Variants in LRMDA observed in about 807,000 individuals in gnomAD.
LRMDA encodes leucine-rich melanocyte differentiation-associated protein.
LRMDA carries 18 observed loss-of-function variants against 29.8 expected under a neutral mutation model. The ratio of observed to expected loss-of-function variants is 0.60; its 90% CI spans 0.42 to 0.90. The LOEUF is 0.90. LRMDA is among the 40% of genes least tolerant of loss of function. The pLI is 0.00. For synonymous variants in LRMDA, 125 were observed against 109.4 expected (o/e 1.14, Z -0.89); for missense variants, 273 against 273.9 (o/e 1.00, Z 0.02).
At chr10:75,641,133 T>C (rs961512420) in intron 2 of LRMDA, among the ~76,000 whole-genome samples, 2 of 152,196 alleles carry the variant, frequency 1.3e-5, no homozygotes, top group Admixed American at 6.5e-5. Context: ...TTTATCTCTC[T>C]GAGTGTGTTA....
At chr10:76,084,024 G>A (rs1564648337) in intron 5 of LRMDA, among the ~76,000 whole-genome samples, 1 of 152,190 alleles carries the variant, frequency 6.6e-6, no homozygotes, top group East Asian at 1.9e-4. Flanking sequence ...AGGGCTTTGG[G>A]CTCCTGAGCA....
intron 2 of LRMDA, among the ~76,000 whole-genome samples, chr10:75,568,957 C>T (rs1840404454): frequency 6.6e-6 from 1 of 152,168 alleles, no homozygotes; most frequent in Non-Finnish European, 1.5e-5. Context: ...ATGTGGGCTT[C>T]TGAGGCAACC....
At chr10:75,587,933 G>A (rs192740861) in intron 2 of LRMDA, among the ~76,000 whole-genome samples, 1 of 152,372 alleles carries the variant, frequency 6.6e-6, no homozygotes, top group African/African-American at 2.4e-5. Flanking sequence ...GAGGCAGTGC[G>A]TGATGGTTGT....
intron 2 of LRMDA, among the ~76,000 whole-genome samples, chr10:75,764,928 C>CGTGTGTGTGTGTGTGT (rs57422251): frequency 2.2e-4 from 31 of 142,772 alleles, no homozygotes; most frequent in African/African-American, 5.0e-4. Flanking sequence ...GCAAGAGACA[C>CGTGTGTGTGTGTGTGT]GTGTGTGTGT....
At position 76,058,831 on chromosome 10, in the gene LRMDA, C is replaced by T. The variant is rs118072840; in HGVS notation, c.516+48C>T. On this transcript the variant is annotated intron_variant, in intron 5 of 6. Transcript: ENST00000611255. ...TTCACAAGGGATTTACATCTCATGGCAGTGCTTACACCCCAGGGCATGCAG... is the reference window on the plus strand; with the variant it reads ...TTCACAAGGGATTTACATCTCATGGTAGTGCTTACACCCCAGGGCATGCAG... The T allele has an allele frequency of 3.0e-3, 4,239 of 1,414,608 alleles. 106 individuals carry two copies. The East Asian group carries it at 0.063, about 21-fold the overall frequency. 87.6% of individuals were successfully genotyped at this position (1,414,608 alleles called of 1,614,324 possible).
At chr10:75,924,636 A>G (rs1017810203) in intron 2 of LRMDA, among the ~76,000 whole-genome samples, 1 of 152,138 alleles carries the variant, frequency 6.6e-6, no homozygotes, top group African/African-American at 2.4e-5. Context: ...AGAGCGGGAA[A>G]GTGGCTTTAA....
intron 5 of LRMDA, among the ~76,000 whole-genome samples, chr10:76,230,191 G>C (rs1430383557): frequency 1.3e-5 from 2 of 152,078 alleles, no homozygotes; most frequent in African/African-American, 4.8e-5. Flanking sequence ...AAAGCAGAGA[G>C]GGAAACTTGT....
chr10:76,198,619 A>G (rs1008408050), intron 5 of LRMDA, among the ~76,000 whole-genome samples: 4 of 152,224 alleles, frequency 2.6e-5, no homozygotes, highest in African/African-American at 9.6e-5. Flanking sequence ...AGGAGAAACA[A>G]TAACAAAGCG....
intron 2 of LRMDA, among the ~76,000 whole-genome samples, chr10:75,988,416 T>C (rs1352068355): frequency 6.6e-6 from 1 of 152,068 alleles, no homozygotes; most frequent in Non-Finnish European, 1.5e-5. Flanking sequence ...ACATTCAGCA[T>C]GGGGCTCACC....
At chr10:75,661,026 A>G (rs1841745472) in intron 2 of LRMDA, among the ~76,000 whole-genome samples, 1 of 152,150 alleles carries the variant, frequency 6.6e-6, no homozygotes, top group African/African-American at 2.4e-5. Context: ...AGAGAAGGCT[A>G]CCCAGATTCT....
intron 2 of LRMDA, among the ~76,000 whole-genome samples, chr10:75,694,237 T>G (rs891499810): frequency 1.3e-5 from 2 of 152,200 alleles, no homozygotes; most frequent in African/African-American, 4.8e-5. Context: ...TTTTGTAGCA[T>G]TAAAGGATTT....
chr10:76,324,279 A>C, intron 5 of LRMDA, 122 bp from the exon 6 acceptor site: 1 of 862,802 alleles, frequency 1.2e-6, no homozygotes, highest in Non-Finnish European at 1.9e-6. Flanking sequence ...CTTCCTAAGA[A>C]GTATCTTGGT....
intron 5 of LRMDA, among the ~76,000 whole-genome samples, chr10:76,222,074 A>T (rs1589382181): frequency 1.3e-5 from 2 of 152,064 alleles, no homozygotes; most frequent in South Asian, 2.1e-4. Context: ...ATATGTAGAA[A>T]GCTGAAACTG....
chr10:75,773,327 G>A lies in LRMDA; in HGVS notation c.132-262681G>A, dbSNP rs1474701139. Among the ~76,000 whole-genome samples the A allele has an allele frequency of 2.0e-5, 3 of 152,196 alleles. No individual in the cohort carries two copies. The East Asian group carries it at 5.8e-4, about 29-fold the overall frequency. ...AAAGATTGTAGTATGTTAACTAGGT[G>A]AAGGGATTGACCACTCCCAGTTCTG... On this transcript the variant is annotated intron_variant, in intron 2 of 6. Coordinates refer to ENST00000611255, the MANE Select transcript of LRMDA (RefSeq NM_001305581.2).
intron 3 of LRMDA, among the ~76,000 whole-genome samples, chr10:76,045,799 A>G (rs538216095): frequency 6.6e-6 from 1 of 152,248 alleles, no homozygotes; most frequent in East Asian, 1.9e-4. Context: ...GGTTGTCAGA[A>G]ATGGAATGTG....
intron 2 of LRMDA, among the ~76,000 whole-genome samples, chr10:75,524,113 A>T (rs952614297): frequency 6.6e-6 from 1 of 152,214 alleles, no homozygotes; most frequent in African/African-American, 2.4e-5. Flanking sequence ...ACAAATGTAA[A>T]TTATTATTAA....
chr10:76,318,310 A>G (rs1345375359), intron 5 of LRMDA: 1 of 151,906 alleles, frequency 6.6e-6, no homozygotes, highest in African/African-American at 2.4e-5. Flanking sequence ...TTTCATAAAT[A>G]TTTGTGAACT....
intron 5 of LRMDA, among the ~76,000 whole-genome samples, chr10:76,261,722 A>G (rs555606907): frequency 6.6e-6 from 1 of 152,340 alleles, no homozygotes; most frequent in Non-Finnish European, 1.5e-5. Context: ...TATTTGCTTT[A>G]CATATTTTTT....
intron 5 of LRMDA, among the ~76,000 whole-genome samples, chr10:76,104,046 T>TAA (rs751246540): frequency 1.1e-4 from 15 of 136,980 alleles, no homozygotes; most frequent in African/African-American, 2.9e-4. Context: ...AGACTCTATC[T>TAA]AAAAAAAAAA....
Sources: gnomAD v4.1 joint callset for allele counts (sites outside exome capture counted in the v4.1 genomes callset) on GRCh38, gnomAD v4.1.1 for gene constraint, MANE v1.5 for transcripts, NCBI Gene and HGNC (gene_info 2026-07-23, HGNC 2026-07-21) for gene names.